Variants in CDH23 observed in about 807,000 individuals in gnomAD.
The protein encoded by CDH23 is cadherin related 23, also known as cadherin-23.
A neutral mutation model predicts 317.1 loss-of-function variants in CDH23; 189 were observed. The observed-to-expected ratio is 0.60, with a 90% confidence interval of 0.53 to 0.67. CDH23 has a LOEUF of 0.67. Ranked by LOEUF, CDH23 falls within the 30% of genes least tolerant of loss-of-function variation. The pLI is 0.00. For missense variants in CDH23, 4,401 were observed against 4,592.4 expected, an observed-to-expected ratio of 0.96 and a Z score of 1.20; for synonymous variants, 1,839 against 1,876.8, an observed-to-expected ratio of 0.98 and a Z score of 0.52.
chr10:71,521,265 A>G (rs972774709), intron 6 of CDH23, among the ~76,000 whole-genome samples: 3 of 151,858 alleles, frequency 2.0e-5, no homozygotes, highest in Non-Finnish European at 2.9e-5. Context: ...ATGCCCACTC[A>G]CGTCCTTGCC....
intron 6 of CDH23, among the ~76,000 whole-genome samples, chr10:71,537,466 G>C (rs1855763871): frequency 6.6e-6 from 1 of 152,208 alleles, no homozygotes; most frequent in African/African-American, 2.4e-5. Context: ...ATTCATATAA[G>C]ACATTTTTCT....
At chr10:71,491,734 T>C (rs987445940) in intron 3 of CDH23, among the ~76,000 whole-genome samples, 1 of 151,906 alleles carries the variant, frequency 6.6e-6, no homozygotes, top group Non-Finnish European at 1.5e-5. Flanking sequence ...GGTAAAGAGG[T>C]CTTCATAGCA....
intron 38 of CDH23, among the ~76,000 whole-genome samples, chr10:71,747,029 C>T (rs1839868715): frequency 6.6e-6 from 1 of 152,170 alleles, no homozygotes; most frequent in Non-Finnish European, 1.5e-5. Flanking sequence ...CCAGCCTGGC[C>T]CTCACCCTCT....
Position 71,797,162 on chromosome 10 carries a change from T to C in CDH23, c.6771T>C (p.Thr2257=). Residue 2257 remains threonine (T), a synonymous_variant, in exon 49 of 70, where the codon ACT becomes ACC. Transcript: ENST00000224721. ...AGCTGGTTGCCACCTATGAGGTCAC[T>C]CTCTCAGTGATTGACAATGCCAGCG... is the stretch of plus-strand genomic sequence containing the variant. ...NRELVATYEV[T]LSVIDNASDL... The C allele has an allele frequency of 6.2e-7, 1 of 1,613,672 alleles. No homozygotes were observed. The highest frequency in any genetic ancestry group is 8.5e-7 in the Non-Finnish European group (1 of 1,179,778).
At chr10:71,650,931 A>ATCATTTAT (rs1254061769) in intron 14 of CDH23, among the ~76,000 whole-genome samples, 2 of 152,242 alleles carry the variant, frequency 1.3e-5, no homozygotes, top group African/African-American at 4.8e-5. Flanking sequence ...GAGTAACCTA[A>ATCATTTAT]TCATTTATTC....
At position 71,679,437 on chromosome 10, in the gene CDH23, C is replaced by G. The variant is rs201024982; in HGVS notation, c.1803C>G (p.Val601=). ...PPNNQITYSI[V]SASAFGSYFD... ...ACAACCAGATCACCTACAGCATTGT[C>G]AGTGCATCTGCCTTTGGCAGCTACT... The change falls in exon 17 of 70, where the codon GTC becomes GTG. Residue 601 remains valine, a synonymous_variant. Coordinates refer to ENST00000224721, the MANE Select transcript of CDH23 (RefSeq NM_022124.6). 273 of 1,613,566 alleles carry G rather than the reference C, an allele frequency of 1.7e-4. No homozygotes were observed. Among genetic ancestry groups the G allele is most frequent in the Non-Finnish European group, 2.3e-4 (269 of 1,179,742 alleles).
At position 71,738,657 on chromosome 10, in the gene CDH23, C is replaced by T. The variant is rs747641154; in HGVS notation, c.4359+10C>T. Reference sequence around the variant, plus strand: ...TGGCAGCAATGGGCAGGTGGGCCACCGAGTGAAACAGCCAGGATCCACCAT... The same window carrying T: ...TGGCAGCAATGGGCAGGTGGGCCACTGAGTGAAACAGCCAGGATCCACCAT... On this transcript the variant is annotated intron_variant, in intron 35 of 69. Transcript: ENST00000224721. The T allele has an allele frequency of 4.3e-6, 7 of 1,611,424 alleles. No homozygotes were observed. Among genetic ancestry groups the T allele is most frequent in the Middle Eastern group, 3.3e-4 (2 of 6,068 alleles).
At chr10:71,665,621 G>A (rs1863855560) in intron 14 of CDH23, among the ~76,000 whole-genome samples, 1 of 152,110 alleles carries the variant, frequency 6.6e-6, no homozygotes, top group South Asian at 2.1e-4. Context: ...CAGTGTGTGG[G>A]CGAGGTGAGG....
chr10:71,397,139 G>C lies in CDH23; in HGVS notation c.-185G>C, dbSNP rs545081281. ...CGCCTGAAGTTGCGAGCGGCGAGCG[G>C]CGAGCGGCGAGCGGCCCGCGGAGAC... is the stretch of plus-strand genomic sequence containing the variant. On this transcript the variant is annotated 5_prime_UTR_variant, in exon 1 of 70. Coordinates refer to ENST00000224721, the MANE Select transcript of CDH23 (RefSeq NM_022124.6). The surrounding 1 kb of genome is among the most constrained non-coding windows in gnomAD (Gnocchi z 4.8). 29 of 185,440 alleles carry C rather than the reference G, an allele frequency of 1.6e-4. No individual in the cohort carries two copies. In the South Asian group the frequency reaches 2.2e-3, roughly 14 times the overall value. The allele number at this position is 185,440 out of a possible 1,614,324, so 11.5% of individuals were successfully genotyped here.
At chr10:71,434,071 C>G (rs993235731) in intron 1 of CDH23, among the ~76,000 whole-genome samples, 1 of 152,188 alleles carries the variant, frequency 6.6e-6, no homozygotes, top group Admixed American at 6.5e-5. Flanking sequence ...CTTCCAGCCA[C>G]GCTGGCCTCC....
At chr10:71,473,147 G>T (rs1851604452) in intron 3 of CDH23, among the ~76,000 whole-genome samples, 1 of 152,164 alleles carries the variant, frequency 6.6e-6, no homozygotes, top group African/African-American at 2.4e-5. Flanking sequence ...CAAGGTCTGG[G>T]CAAAGCCTCC....
rs117778533 is a variant in CDH23 at position 71,801,564 on chromosome 10, A to G, written c.7482+809A>G. ...CAGCATCTCACCCTCTCAGCTCTCA[A>G]TCCCCTTTTCTATGCAAAGTCCCAG... On this transcript the variant is annotated intron_variant, in intron 53 of 69. Coordinates refer to ENST00000224721, the MANE Select transcript of CDH23 (RefSeq NM_022124.6). 5.7e-4 allele frequency among the ~76,000 whole-genome samples: 86 copies of G among 152,004 alleles called. 1 individual carries two copies. In the East Asian group the frequency reaches 0.015, roughly 27 times the overall value.
chr10:71,747,336 G>A (rs891117162), intron 38 of CDH23, among the ~76,000 whole-genome samples: 2 of 152,206 alleles, frequency 1.3e-5, no homozygotes, highest in Non-Finnish European at 2.9e-5. Context: ...CCCATCAGCA[G>A]CAGCGTCTTC....
At chr10:71,619,537 C>T (rs528738582) in intron 11 of CDH23, among the ~76,000 whole-genome samples, 208 of 152,168 alleles carry the variant, frequency 1.4e-3, no homozygotes, top group Non-Finnish European at 2.0e-3. Flanking sequence ...ACCATAATGC[C>T]CAAGAGAAGA....
chr10:71,601,650 C>T (rs546865539), intron 9 of CDH23, among the ~76,000 whole-genome samples: 1 of 152,280 alleles, frequency 6.6e-6, no homozygotes, highest in South Asian at 2.1e-4. Context: ...TGGAGGGTAA[C>T]GGGGTGCTGG....
chr10:71,790,937 G>A, intron 46 of CDH23, 195 bp from the exon 47 acceptor site: 1 of 604,642 alleles, frequency 1.7e-6, no homozygotes. Flanking sequence ...CACAGGAAAT[G>A]CATGGGGCCC....
At chr10:71,797,965 G>A (rs1417448279) in intron 49 of CDH23, among the ~76,000 whole-genome samples, 1 of 152,190 alleles carries the variant, frequency 6.6e-6, no homozygotes, top group African/African-American at 2.4e-5. Flanking sequence ...CGGAAGGAAG[G>A]GCAGACTTGG....
chr10:71,700,430 T>C (rs1260082450), intron 22 of CDH23, among the ~76,000 whole-genome samples: 1 of 152,198 alleles, frequency 6.6e-6, no homozygotes, highest in Non-Finnish European at 1.5e-5. Flanking sequence ...GAGAGAAGCA[T>C]TGTAGAAACA....
At chr10:71,775,835 G>A (rs543980770) in intron 38 of CDH23, among the ~76,000 whole-genome samples, 22 of 152,312 alleles carry the variant, frequency 1.4e-4, no homozygotes, top group Non-Finnish European at 2.8e-4. Flanking sequence ...GACTGTCAAG[G>A]AAAGCCACCA....
Sources: allele counts gnomAD v4.1 joint callset (sites outside exome capture counted in the v4.1 genomes callset), GRCh38; gene constraint gnomAD v4.1.1; non-coding constraint Gnocchi (gnomAD v3.1); transcripts MANE v1.5; gene names NCBI Gene and HGNC (gene_info 2026-07-23, HGNC 2026-07-21).